TGIF1: variants seen among roughly 807,000 people sequenced by gnomAD.
TGIF1 encodes the protein homeobox protein TGIF1.
Under a neutral mutation model 19.3 loss-of-function variants are expected in TGIF1, and 4 were observed. The observed-to-expected ratio is 0.21, with a 90% CI of 0.10 to 0.47. The LOEUF (loss-of-function observed/expected upper bound fraction) is 0.47. Ranked by LOEUF, TGIF1 falls within the 20% of genes least tolerant of loss-of-function variation. TGIF1 has a pLI of 0.98. For missense variants in TGIF1, 275 were observed against 341.4 expected (o/e 0.81, Z 1.53); for synonymous variants, 122 against 129.3 (o/e 0.94, Z 0.38).
intron 2 of TGIF1, among the ~76,000 whole-genome samples, chr18:3,444,718 A>G (rs1321103411): frequency 1.3e-5 from 2 of 152,178 alleles, no homozygotes; most frequent in Non-Finnish European, 2.9e-5. Flanking sequence ...TTAAGTGCAT[A>G]AATATTTAAT....
At chr18:3,412,214 G>T (rs1447018890) in exon 1 of TGIF1, 1 of 152,182 alleles carries the variant, frequency 6.6e-6, no homozygotes, top group African/African-American at 2.4e-5. Context: ...GCTGCGCGGG[G>T]CTCCCTCCTT....
chr18:3,445,765 C>CAAAAAAAAAAAAAAAAAAAAAAAAA (rs755240649), upstream of TGIF1, among the ~76,000 whole-genome samples: 1 of 35,848 alleles, frequency 2.8e-5, no homozygotes, highest in Non-Finnish European at 4.4e-5. Context: ...AGAAGAAAAG[C>CAAAAAAAAAAAAAAAAAAAAAAAAA]AAAAAAAAAA....
intron 1 of TGIF1, among the ~76,000 whole-genome samples, chr18:3,413,866 G>C (rs1275355389): frequency 1.3e-5 from 2 of 152,134 alleles, no homozygotes; most frequent in African/African-American, 4.8e-5. Context: ...GATACAAAAA[G>C]TACAGTTGTA....
intron 1 of TGIF1, chr18:3,452,207 G>A: frequency 6.3e-7 from 1 of 1,597,888 alleles, no homozygotes; most frequent in South Asian, 1.1e-5. Flanking sequence ...CGCTCCTGGG[G>A]TCCTCCTGCG....
In TGIF1 at chr18:3,457,459, G is replaced by C; in HGVS notation, c.338G>C (p.Arg113Pro). 6.2e-7 allele frequency: 1 copy of C among 1,614,232 alleles called. No homozygotes were observed. Residue 113 changes from arginine to proline, a missense_variant, in exon 3 of 3, where the codon CGT becomes CCT. Transcript: ENST00000343820. This position sits in a 1 kb window ranked among gnomAD's most constrained non-coding sequence, Gnocchi z 4.9. ...CCAAATCAGTTCACAATTTCCCGCC[G>C]TGGGGCCAAGATTTCTGAAACGAGC... ...KDPNQFTISR[R>P]GAKISETSSV...
chr18:3,414,225 C>T (rs1358704413), intron 1 of TGIF1, among the ~76,000 whole-genome samples: 1 of 152,172 alleles, frequency 6.6e-6, no homozygotes, highest in Non-Finnish European at 1.5e-5. Context: ...CACTTAAATA[C>T]TTCTAAACCC....
intron 1 of TGIF1, among the ~76,000 whole-genome samples, chr18:3,412,416 A>G (rs1465676142): frequency 6.6e-6 from 1 of 152,214 alleles, no homozygotes; most frequent in Non-Finnish European, 1.5e-5. Flanking sequence ...ACATGTTTAC[A>G]CTGAAACAAG....
chr18:3,420,528 G>C (rs1014704741), intron 2 of TGIF1, among the ~76,000 whole-genome samples: 2 of 152,170 alleles, frequency 1.3e-5, no homozygotes, highest in Non-Finnish European at 2.9e-5. Flanking sequence ...CTTTAAATGT[G>C]AATGATCTAA....
rs2049428089 is a variant in TGIF1 at position 3,458,264 on chromosome 18, G to A, written c.*324G>A. ...TTTTTCAGACTGTGCAATACTTAGAGAACCTATAGCATCTTCTCATTCCCA... is the reference window on the plus strand; with the variant it reads ...TTTTTCAGACTGTGCAATACTTAGAAAACCTATAGCATCTTCTCATTCCCA... On this transcript the variant is annotated 3_prime_UTR_variant, in exon 3 of 3. Coordinates refer to ENST00000343820, the MANE Select transcript of TGIF1 (RefSeq NM_003244.4). 1 of 312,988 alleles carries A rather than the reference G, an allele frequency of 3.2e-6. No individual in the cohort carries two copies. The highest frequency in any genetic ancestry group is 3.7e-5 in the South Asian group (1 of 27,038). The allele number at this position is 312,988 out of a possible 1,614,324, so 19.4% of individuals were successfully genotyped here.
chr18:3,430,332 T>C (rs2082530715), intron 2 of TGIF1, among the ~76,000 whole-genome samples: 1 of 152,210 alleles, frequency 6.6e-6, no homozygotes, highest in African/African-American at 2.4e-5. Context: ...TTTGCAGAAA[T>C]ATAAAACAAT....
chr18:3,427,360 C>T (rs534890313), intron 2 of TGIF1, among the ~76,000 whole-genome samples: 3 of 151,518 alleles, frequency 2.0e-5, no homozygotes, highest in Middle Eastern at 3.4e-3. Context: ...GGCACAATTT[C>T]GGGACACTGC....
intron 2 of TGIF1, among the ~76,000 whole-genome samples, chr18:3,433,231 G>T (rs2082573196): frequency 6.6e-6 from 1 of 151,010 alleles, no homozygotes; most frequent in African/African-American, 2.4e-5. Context: ...ATGCCACCAC[G>T]CTGGGCTGAT....
At chr18:3,448,163 T>C (rs770299721), upstream of TGIF1, 52 of 985,058 alleles carry the variant, frequency 5.3e-5, 1 homozygote, top group Non-Finnish European at 6.0e-5. Context: ...CTTTCGAAGT[T>C]AGCAAACAAA....
Position 3,442,986 on chromosome 18 carries a change from A to G in TGIF1, c.-44-13368A>G, listed in dbSNP as rs140772112. On this transcript the variant is annotated intron_variant, in intron 2 of 3. Transcript: ENST00000401449. ...AAATAGGTAAGATCATTTGGAGGCA[A>G]TTTGGCAATATCTATCAAAATTCTG... 5.8e-3 allele frequency among the ~76,000 whole-genome samples: 876 copies of G among 152,326 alleles called. 3 individuals are homozygous for G. Among genetic ancestry groups the G allele is most frequent in the Non-Finnish European group, 8.3e-3 (563 of 68,030 alleles).
chr18:3,413,937 T>C (rs1011695628), intron 1 of TGIF1, among the ~76,000 whole-genome samples: 1 of 152,228 alleles, frequency 6.6e-6, no homozygotes, highest in African/African-American at 2.4e-5. Context: ...TAAATGTATT[T>C]TCTCAGCAAA....
At chr18:3,425,693 G>A (rs1221295511) in intron 2 of TGIF1, among the ~76,000 whole-genome samples, 3 of 152,046 alleles carry the variant, frequency 2.0e-5, no homozygotes, top group Admixed American at 6.6e-5. Flanking sequence ...CCCGTCCCTA[G>A]CCTCCTGCCT....
In TGIF1 at chr18:3,436,884, C is replaced by T. The variant is rs527346865; in HGVS notation, c.-45+18669C>T. Among the ~76,000 whole-genome samples the T allele has an allele frequency of 9.9e-5, 15 of 151,914 alleles. No homozygotes were observed. The South Asian group carries it at 3.1e-3, about 32-fold the overall frequency. On this transcript the variant is annotated intron_variant, in intron 2 of 3. Transcript: ENST00000401449. ...CTCTGGGAGGCCGAGGTGGGTGGAT[C>T]ATTCCAGGTCAGGAGTTCAAGACCA...
At chr18:3,440,259 G>A (rs773860389) in intron 2 of TGIF1, among the ~76,000 whole-genome samples, 14 of 151,510 alleles carry the variant, frequency 9.2e-5, no homozygotes, top group African/African-American at 1.7e-4. Context: ...GCTGAGGCAG[G>A]AGAATCGCTT....
In TGIF1 at chr18:3,457,674, C is replaced by A; in HGVS notation, c.553C>A (p.Pro185Thr). The A allele has an allele frequency of 6.2e-7, 1 of 1,614,186 alleles. No individual in the cohort carries two copies. Residue 185 changes from proline to threonine, a missense_variant, in exon 3 of 3, where the codon CCT (proline) becomes ACT (threonine). Coordinates refer to ENST00000343820, the MANE Select transcript of TGIF1 (RefSeq NM_003244.4). The surrounding 1 kb of genome is among the most constrained non-coding windows in gnomAD (Gnocchi z 4.9). The stretch of plus-strand genomic sequence containing the variant: ...CACTGTGACTGCATTGAAAGATGTC[C>A]CTTTCTCTCTCTGCCAGTCGGTCGG... Reference protein sequence around the residue: ...HTTVTALKDVPFSLCQSVGVG... With the variant: ...HTTVTALKDVTFSLCQSVGVG...
Sources: gnomAD v4.1 joint callset for allele counts (sites outside exome capture counted in the v4.1 genomes callset) on GRCh38, gnomAD v4.1.1 for gene constraint, Gnocchi (gnomAD v3.1) non-coding constraint, MANE v1.5 for transcripts, NCBI Gene and HGNC (gene_info 2026-07-23, HGNC 2026-07-21) for gene names.